SLC38A9: variants seen among roughly 807,000 people sequenced by gnomAD.
SLC38A9 encodes solute carrier family 38 member 9, also known as neutral amino acid transporter 9.
SLC38A9 carries 48 observed loss-of-function variants against 62.3 expected under a neutral mutation model. The observed-to-expected ratio is 0.77, with a 90% CI of 0.61 to 0.98. SLC38A9 has a LOEUF of 0.98. Among genes scored for constraint, SLC38A9 ranks in the 50% least tolerant of loss-of-function variants. The pLI is 0.00. For missense variants in SLC38A9, 541 were observed against 679.8 expected (o/e 0.80, Z 2.27); for synonymous variants, 204 against 227.7 (o/e 0.90, Z 0.94).
chr5:55,698,527 C>T (rs1460619325), intron 2 of SLC38A9, among the ~76,000 whole-genome samples: 2 of 152,164 alleles, frequency 1.3e-5, no homozygotes, highest in African/African-American at 4.8e-5. Context: ...ATCCCCTTTC[C>T]CCACTTCCCC....
At chr5:55,695,474 T>G (rs62363572) in intron 3 of SLC38A9, among the ~76,000 whole-genome samples, 1 of 93,806 alleles carries the variant, frequency 1.1e-5, no homozygotes, top group Non-Finnish European at 2.6e-5. Flanking sequence ...TGGCTCTTAA[T>G]GAGCATGCTG....
At position 55,632,740 on chromosome 5, in the gene SLC38A9, G is replaced by C. The variant is rs548089276; in HGVS notation, c.1430+1014C>G. Among the ~76,000 whole-genome samples, 14 of 152,244 alleles carry C rather than the reference G, an allele frequency of 9.2e-5. No individual in the cohort carries two copies. In the East Asian group the frequency reaches 1.5e-3, roughly 17 times the overall value. ...TAGCCATAAAGAAATGATCTGACCT[G>C]TCTTGTTTGACTGCAGGTCATAAGA... On this transcript the variant is annotated intron_variant, in intron 14 of 15. Coordinates refer to ENST00000396865, the MANE Select transcript of SLC38A9 (RefSeq NM_173514.4).
At chr5:55,680,896 A>G (rs939268303) in intron 3 of SLC38A9, among the ~76,000 whole-genome samples, 2 of 152,282 alleles carry the variant, frequency 1.3e-5, no homozygotes, top group Non-Finnish European at 2.9e-5. Flanking sequence ...CATTCTGCAG[A>G]TCAATCCCAG....
intron 3 of SLC38A9, among the ~76,000 whole-genome samples, chr5:55,688,191 C>T (rs2150507374): frequency 6.6e-6 from 1 of 152,174 alleles, no homozygotes; most frequent in South Asian, 2.1e-4. Flanking sequence ...TATAGGATCA[C>T]GTCATCTGCA....
At chr5:55,660,404 A>C (rs1299535130) in intron 8 of SLC38A9, among the ~76,000 whole-genome samples, 2 of 152,150 alleles carry the variant, frequency 1.3e-5, no homozygotes, top group East Asian at 3.9e-4. Flanking sequence ...TGAAAGAGTG[A>C]AACTCTGTCT....
chr5:55,646,431 C>G (rs1003327176), intron 11 of SLC38A9, among the ~76,000 whole-genome samples: 1 of 152,016 alleles, frequency 6.6e-6, no homozygotes, highest in Non-Finnish European at 1.5e-5. Context: ...TGAGGTCATA[C>G]AACTGGTATG....
At chr5:55,702,486 T>C (rs1756797277) in intron 2 of SLC38A9, among the ~76,000 whole-genome samples, 1 of 152,088 alleles carries the variant, frequency 6.6e-6, no homozygotes, top group South Asian at 2.1e-4. Flanking sequence ...CTTGAACTCC[T>C]GACCTCAAGT....
chr5:55,707,257 G>C (rs369710120), intron 2 of SLC38A9, among the ~76,000 whole-genome samples: 1 of 152,314 alleles, frequency 6.6e-6, no homozygotes, highest in South Asian at 2.1e-4. Flanking sequence ...CTTAGGTTGA[G>C]AGGTGAATTA....
chr5:55,649,715 G>A (rs2014443), intron 10 of SLC38A9, among the ~76,000 whole-genome samples: 90,423 of 151,920 alleles, frequency 0.6, 27,585 homozygotes, highest in South Asian at 0.7. Flanking sequence ...ACAGCTACTC[G>A]GGAGGCTGAG....
At chr5:55,658,660 C>T (rs982112046) in intron 8 of SLC38A9, among the ~76,000 whole-genome samples, 3 of 152,174 alleles carry the variant, frequency 2.0e-5, no homozygotes, top group African/African-American at 7.2e-5. Flanking sequence ...TTTGATTTCA[C>T]ATCTCTAGTC....
chr5:55,644,815 C>T (rs887639927), intron 12 of SLC38A9, among the ~76,000 whole-genome samples: 14 of 152,034 alleles, frequency 9.2e-5, no homozygotes, highest in African/African-American at 3.4e-4. Flanking sequence ...GTGCTGCACC[C>T]ATTAACTCAT....
chr5:55,643,503 C>T (rs985268756), intron 12 of SLC38A9, among the ~76,000 whole-genome samples: 6 of 152,074 alleles, frequency 3.9e-5, no homozygotes, highest in South Asian at 2.1e-4. Flanking sequence ...ATGTGCATTC[C>T]GCAGTTGAGA....
intron 11 of SLC38A9, among the ~76,000 whole-genome samples, chr5:55,647,223 C>T (rs1746533503): frequency 6.6e-6 from 1 of 151,288 alleles, no homozygotes; most frequent in African/African-American, 2.4e-5. Context: ...TAACCACTTA[C>T]CTATAATCTC....
At chr5:55,709,279 A>C (rs138942182) in intron 2 of SLC38A9, among the ~76,000 whole-genome samples, 265 of 152,356 alleles carry the variant, frequency 1.7e-3, no homozygotes, top group African/African-American at 6.0e-3. Flanking sequence ...AATGCTCTCA[A>C]GTTATATTTC....
chr5:55,633,091 T>A (rs1398262425), intron 14 of SLC38A9, among the ~76,000 whole-genome samples: 2 of 151,938 alleles, frequency 1.3e-5, no homozygotes. Flanking sequence ...AGCCTCGATC[T>A]CCCGGGCTCA....
chr5:55,686,249 T>C (rs1271005241), intron 3 of SLC38A9, among the ~76,000 whole-genome samples: 1 of 152,232 alleles, frequency 6.6e-6, no homozygotes, highest in African/African-American at 2.4e-5. Context: ...ACCAACAGTG[T>C]ATAAGCCTTC....
At chr5:55,654,535 T>C (rs1748064676) in intron 9 of SLC38A9, among the ~76,000 whole-genome samples, 1 of 151,412 alleles carries the variant, frequency 6.6e-6, no homozygotes, top group Admixed American at 6.6e-5. Context: ...AACCCAGAAG[T>C]ACCAGGTTGC....
At chr5:55,686,957 C>T (rs962156847) in intron 3 of SLC38A9, among the ~76,000 whole-genome samples, 2 of 151,950 alleles carry the variant, frequency 1.3e-5, no homozygotes, top group Non-Finnish European at 1.5e-5. Context: ...GGTTCTCTAT[C>T]CTGTTCCATT....
chr5:55,712,069 AAAG>A (rs931566374), intron 1 of SLC38A9, 145 bp downstream of exon 1: 1 of 152,200 alleles, frequency 6.6e-6, no homozygotes, highest in African/African-American at 2.4e-5. Flanking sequence ...CTGAGCCCCA[AAAG>A]AAGAGACGGT....
Sources: allele counts gnomAD v4.1 joint callset (sites outside exome capture counted in the v4.1 genomes callset), GRCh38; gene constraint gnomAD v4.1.1; transcripts MANE v1.5; gene names NCBI Gene and HGNC (gene_info 2026-07-23, HGNC 2026-07-21).